Variants in EDIL3 observed in about 807,000 individuals in gnomAD.
EDIL3 encodes EGF like and discoidin domains 3, also known as EGF-like repeat and discoidin I-like domain-containing protein 3.
In EDIL3, 37 loss-of-function variants were observed where a neutral mutation model predicts 67.4. The ratio of observed to expected loss-of-function variants is 0.55; its 90% CI spans 0.42 to 0.72. The LOEUF (loss-of-function observed/expected upper bound fraction) is 0.72, where lower values mean the gene tolerates loss of function less well. Ranked by LOEUF, EDIL3 falls within the 30% of genes least tolerant of loss-of-function variation. The pLI is 0.00. For synonymous variants in EDIL3, 195 were observed against 196.3 expected (o/e 0.99, Z 0.05); for missense variants, 527 against 586.3 (o/e 0.90, Z 1.04).
chr5:84,060,192 C>T lies in EDIL3; in HGVS notation c.1137+108G>A, dbSNP rs781351586. 569 of 1,291,692 alleles carry T rather than the reference C, an allele frequency of 4.4e-4. 1 individual carries two copies. The highest frequency in any genetic ancestry group is 6.6e-4 in the South Asian group (44 of 67,162). The allele number at this position is 1,291,692 out of a possible 1,614,324, so 80.0% of individuals were successfully genotyped here. ...AATTTAGTTAAACCGAAGATGAAGG[C>T]ACATTTAAATTAGCGTGAAGGTAAC... On this transcript the variant is annotated intron_variant, in intron 9 of 10. Coordinates refer to ENST00000296591, the MANE Select transcript of EDIL3 (RefSeq NM_005711.5).
In EDIL3 at chr5:83,944,408, T is replaced by C. The variant is rs1193140001; in HGVS notation, c.1294-840A>G. Among the ~76,000 whole-genome samples the C allele has an allele frequency of 2.0e-5, 3 of 150,912 alleles. 1 individual carries two copies. The highest frequency in any genetic ancestry group is 7.3e-5 in the African/African-American group (3 of 41,118). ...TTTTGTAAAAATGCTTTTTTTTTTT[T>C]TTTTTTGGAGCTTTACTATTACTAT... On this transcript the variant is annotated intron_variant, in intron 10 of 10. Transcript: ENST00000296591.
intron 1 of EDIL3, among the ~76,000 whole-genome samples, chr5:84,362,796 G>A (rs1747637938): frequency 6.6e-6 from 1 of 151,988 alleles, no homozygotes; most frequent in Non-Finnish European, 1.5e-5. Context: ...GTTATCAGTA[G>A]CAACATTTTA....
In EDIL3 at chr5:83,943,323, A is replaced by G; in HGVS notation, c.*96T>C. 1.9e-6 allele frequency: 3 copies of G among 1,540,480 alleles called. No individual in the cohort carries two copies. The South Asian group carries it at 3.7e-5, about 19-fold the overall frequency. ...TGAGCACTTTTTCATGAAAAAAAAA[A>G]AAAAACCATTCAGTTTCCTACAGAT... is the stretch of plus-strand genomic sequence containing the variant. On this transcript the variant is annotated 3_prime_UTR_variant, in exon 11 of 11. Coordinates refer to ENST00000296591, the MANE Select transcript of EDIL3 (RefSeq NM_005711.5).
At chr5:84,241,594 T>G (rs528967321) in intron 2 of EDIL3, among the ~76,000 whole-genome samples, 9 of 152,158 alleles carry the variant, frequency 5.9e-5, no homozygotes, top group African/African-American at 2.2e-4. Context: ...TGAAGTGATT[T>G]GTCAAATTAT....
chr5:84,081,426 G>A (rs1311439526), intron 6 of EDIL3, among the ~76,000 whole-genome samples: 2 of 152,132 alleles, frequency 1.3e-5, no homozygotes, highest in Non-Finnish European at 2.9e-5. Flanking sequence ...GGAATAAAAA[G>A]AGCAAACGAT....
At chr5:84,214,086 T>C (rs1278916790) in intron 3 of EDIL3, among the ~76,000 whole-genome samples, 2 of 152,188 alleles carry the variant, frequency 1.3e-5, no homozygotes, top group African/African-American at 2.4e-5. Context: ...GGTTATCATA[T>C]TTGAGATGTC....
chr5:84,017,887 T>C (rs1467411743), intron 9 of EDIL3, among the ~76,000 whole-genome samples: 1 of 152,148 alleles, frequency 6.6e-6, no homozygotes, highest in Non-Finnish European at 1.5e-5. Context: ...TTATTCTGTC[T>C]TCTGTTAATA....
chr5:84,172,851 G>A (rs1051295859), intron 4 of EDIL3, among the ~76,000 whole-genome samples: 7 of 152,100 alleles, frequency 4.6e-5, no homozygotes, highest in Non-Finnish European at 5.9e-5. Flanking sequence ...AGTGAAAAAC[G>A]CTATATTAAC....
chr5:84,138,713 C>T (rs1487732576), intron 4 of EDIL3, among the ~76,000 whole-genome samples: 1 of 152,012 alleles, frequency 6.6e-6, no homozygotes, highest in Non-Finnish European at 1.5e-5. Flanking sequence ...AGTTGGTCAA[C>T]TTCTCATTCT....
At chr5:84,328,141 C>T (rs1329163622) in intron 1 of EDIL3, among the ~76,000 whole-genome samples, 1 of 151,960 alleles carries the variant, frequency 6.6e-6, no homozygotes, top group East Asian at 1.9e-4. Flanking sequence ...AGTTGAATAA[C>T]ATAAACATTT....
At chr5:84,115,080 T>G (rs758430697) in intron 5 of EDIL3, among the ~76,000 whole-genome samples, 1 of 152,204 alleles carries the variant, frequency 6.6e-6, no homozygotes, top group Non-Finnish European at 1.5e-5. Flanking sequence ...TTTTCTTTCT[T>G]TTTTGAAGGT....
At chr5:84,248,055 G>C (rs1248492281) in intron 2 of EDIL3, among the ~76,000 whole-genome samples, 5 of 152,036 alleles carry the variant, frequency 3.3e-5, no homozygotes, top group African/African-American at 1.2e-4. Context: ...TATCCTCAGT[G>C]CCAGGAAGAG....
chr5:84,001,221 G>C (rs1745325297), intron 9 of EDIL3, among the ~76,000 whole-genome samples: 1 of 151,728 alleles, frequency 6.6e-6, no homozygotes, highest in African/African-American at 2.4e-5. Context: ...TAATTTTTTT[G>C]TATTTTTAGT....
At chr5:84,224,946 T>C (rs975551569) in intron 3 of EDIL3, among the ~76,000 whole-genome samples, 10 of 151,604 alleles carry the variant, frequency 6.6e-5, no homozygotes, top group Admixed American at 3.3e-4. Flanking sequence ...CATTAGTTTG[T>C]AATTAGATCT....
intron 10 of EDIL3, among the ~76,000 whole-genome samples, chr5:83,952,580 T>C (rs1744441201): frequency 6.6e-6 from 1 of 151,792 alleles, no homozygotes; most frequent in Non-Finnish European, 1.5e-5. Flanking sequence ...CTTTTTTCTT[T>C]TTAGTAGAAC....
At chr5:84,246,137 A>C (rs1352368775) in intron 2 of EDIL3, among the ~76,000 whole-genome samples, 1 of 152,216 alleles carries the variant, frequency 6.6e-6, no homozygotes, top group Non-Finnish European at 1.5e-5. Context: ...AAAATTAAAA[A>C]GAGAAGCAAC....
intron 1 of EDIL3, among the ~76,000 whole-genome samples, chr5:84,368,832 A>C (rs918690652): frequency 6.6e-6 from 1 of 152,172 alleles, no homozygotes; most frequent in Non-Finnish European, 1.5e-5. Flanking sequence ...ATGTTTTCCC[A>C]TAGAAGATAT....
chr5:84,382,656 T>C lies in EDIL3; in HGVS notation c.67+1652A>G, dbSNP rs528508857. Among the ~76,000 whole-genome samples the C allele has an allele frequency of 3.3e-5, 5 of 151,912 alleles. No individual in the cohort carries two copies. The South Asian group carries it at 8.3e-4, about 25-fold the overall frequency. On this transcript the variant is annotated intron_variant, in intron 1 of 10. Transcript: ENST00000296591. Reference sequence around the variant, plus strand: ...CTAAGAGATCAAAGTGCAGAGGAAATCCAGACGGGAAATGAGAGAAAGGAA... The same window carrying C: ...CTAAGAGATCAAAGTGCAGAGGAAACCCAGACGGGAAATGAGAGAAAGGAA...
intron 4 of EDIL3, among the ~76,000 whole-genome samples, chr5:84,153,477 T>A (rs1267533152): frequency 1.3e-5 from 2 of 151,876 alleles, no homozygotes; most frequent in Non-Finnish European, 2.9e-5. Context: ...GTATTTTTAA[T>A]AGAGACGGGG....
Sources: allele counts gnomAD v4.1 joint callset (sites outside exome capture counted in the v4.1 genomes callset), GRCh38; gene constraint gnomAD v4.1.1; transcripts MANE v1.5; gene names NCBI Gene and HGNC (gene_info 2026-07-23, HGNC 2026-07-21).